Variants in ANO1 observed in about 807,000 individuals in gnomAD.
The protein encoded by ANO1 is anoctamin-1.
Under a neutral mutation model 124.0 loss-of-function variants are expected in ANO1, and 59 were observed. The observed-to-expected ratio is 0.48, with a 90% CI of 0.39 to 0.59. The LOEUF is 0.59. ANO1 is among the 20% of genes least tolerant of loss of function. The pLI is 0.00. For missense variants in ANO1, 1,059 were observed against 1,328.0 expected (o/e 0.80, Z 3.15); for synonymous variants, 529 against 532.0 (o/e 0.99, Z 0.08).
intron 11 of ANO1, among the ~76,000 whole-genome samples, chr11:70,140,636 C>G (rs1008886120): frequency 6.6e-6 from 1 of 152,092 alleles, no homozygotes; most frequent in African/African-American, 2.4e-5. Context: ...CGTGCCTACC[C>G]TAGGTACAGT....
intron 7 of ANO1, among the ~76,000 whole-genome samples, chr11:70,112,706 C>T (rs959598645): frequency 4.6e-5 from 7 of 151,984 alleles, no homozygotes; most frequent in Admixed American, 4.6e-4. Context: ...TTCAGGCGTG[C>T]ACCGCTACAC....
chr11:70,107,490 C>CGGGGGGGGGGGGGGGGGGGG (rs1432604573), intron 5 of ANO1, among the ~76,000 whole-genome samples: 6 of 64,528 alleles, frequency 9.3e-5, no homozygotes, highest in African/African-American at 3.1e-4. Context: ...CCAGTGGAGG[C>CGGGGGGGGGGGGGGGGGGGG]GGCGGGGCGG....
chr11:70,124,699 T>G (rs1212745610), intron 9 of ANO1, among the ~76,000 whole-genome samples: 1 of 151,896 alleles, frequency 6.6e-6, no homozygotes. Flanking sequence ...GCGGGAGGGT[T>G]TTCCGGATTT....
At chr11:70,025,498 T>C (rs74956227) in intron 1 of ANO1, among the ~76,000 whole-genome samples, 7,726 of 151,952 alleles carry the variant, frequency 0.051, 317 homozygotes, top group Admixed American at 0.12. Flanking sequence ...ATGACAATGA[T>C]GGCGATGATG....
intron 1 of ANO1, among the ~76,000 whole-genome samples, chr11:70,083,599 T>C (rs974904541): frequency 6.6e-6 from 1 of 152,124 alleles, no homozygotes; most frequent in African/African-American, 2.4e-5. Flanking sequence ...TGATAGAGGA[T>C]TTTTGGCCAC....
intron 16 of ANO1, among the ~76,000 whole-genome samples, chr11:70,160,895 G>A (rs544260452): frequency 2.0e-5 from 3 of 152,338 alleles, no homozygotes; most frequent in African/African-American, 4.8e-5. Context: ...CTCCTGAGCT[G>A]GGTGACCTGG....
chr11:70,177,503 C>G (rs1419260388), intron 22 of ANO1, among the ~76,000 whole-genome samples: 2 of 152,284 alleles, frequency 1.3e-5, no homozygotes, highest in East Asian at 3.9e-4. Context: ...GGGGGCGCCC[C>G]CGGGCACCAC....
rs1222664559 is a variant in ANO1, at chr11:70,037,185, C to T, written c.59-41357C>T. On this transcript the variant is annotated intron_variant, in intron 1 of 27. Coordinates refer to the ANO1 transcript ENST00000531349. ...TCCACCCTGAGAAATCCAGCTTAGG[C>T]GGCCCAGCCTGTTTTGCTCCTCCTG... Among the ~76,000 whole-genome samples the T allele has an allele frequency of 7.9e-5, 12 of 152,176 alleles. No individual in the cohort carries two copies. In the East Asian group the frequency reaches 9.7e-4, roughly 12 times the overall value.
At chr11:70,109,035 C>T (rs2045668288) in intron 6 of ANO1, among the ~76,000 whole-genome samples, 2 of 152,220 alleles carry the variant, frequency 1.3e-5, no homozygotes, top group African/African-American at 4.8e-5. Flanking sequence ...TTGTGAAAGC[C>T]AGAACATTGC....
chr11:70,149,671 T>A (rs1590861818), intron 11 of ANO1, 39 bp from the exon 12 acceptor site: 1 of 1,586,762 alleles, frequency 6.3e-7, no homozygotes, highest in African/African-American at 1.4e-5. Context: ...AAAAATGCCT[T>A]TATGTCATCA....
chr11:69,970,814 G>A, the ANO1 span, among the ~76,000 whole-genome samples: 1 of 152,220 alleles, frequency 6.6e-6, no homozygotes, highest in African/African-American at 2.4e-5. Flanking sequence ...CGGACACCCT[G>A]TGTTCTCTCA....
intron 1 of ANO1, chr11:70,085,465 G>A: frequency 1.3e-6 from 2 of 1,535,930 alleles, no homozygotes; most frequent in Non-Finnish European, 1.7e-6. Flanking sequence ...GCGGGGCCCT[G>A]TGTTACTGTA....
At chr11:70,105,387 T>C (rs2045478684) in intron 4 of ANO1, among the ~76,000 whole-genome samples, 1 of 152,102 alleles carries the variant, frequency 6.6e-6, no homozygotes, top group African/African-American at 2.4e-5. Flanking sequence ...CCCCGCCTTG[T>C]TGAAACAGAG....
At chr11:70,065,452 C>G (rs1857693307) in intron 1 of ANO1, 1 of 152,626 alleles carries the variant, frequency 6.6e-6, no homozygotes, top group Admixed American at 6.5e-5. Flanking sequence ...ACAGTTCAGA[C>G]AGCATCGGTC....
chr11:70,085,794 T>G (rs1021178309), intron 1 of ANO1: 24 of 1,221,248 alleles, frequency 2.0e-5, no homozygotes, highest in Admixed American at 9.2e-5. Context: ...TGCTGACTGT[T>G]TGGGGAGGGG....
At chr11:70,160,953 A>G (rs1170334465) in intron 16 of ANO1, among the ~76,000 whole-genome samples, 1 of 152,242 alleles carries the variant, frequency 6.6e-6, no homozygotes, top group African/African-American at 2.4e-5. Context: ...TCCATGGAAC[A>G]GAAACTAGCC....
rs1161320377 is a variant in ANO1 at position 70,180,115 on chromosome 11, G to A, written c.2403+59G>A. 1.9e-5 allele frequency: 29 copies of A among 1,498,918 alleles called. No homozygotes were observed. The East Asian group carries it at 3.2e-4, about 16-fold the overall frequency. The allele number at this position is 1,498,918 out of a possible 1,614,324, so 92.9% of individuals were successfully genotyped here. A position where few individuals can be genotyped will look rare whatever the true frequency, so the allele number is the denominator to read the frequency against. ...GTCCCGGCTGAACTGCCAGGTGGCC[G>A]GGGCCCTGTGGAGAAGGAGCTGGGC... On this transcript the variant is annotated intron_variant, in intron 23 of 25. Coordinates refer to ENST00000355303, the MANE Select transcript of ANO1 (RefSeq NM_018043.7).
chr11:70,151,831 A>T (rs2047613523), intron 12 of ANO1, among the ~76,000 whole-genome samples: 1 of 152,044 alleles, frequency 6.6e-6, no homozygotes, highest in Non-Finnish European at 1.5e-5. Context: ...CTATCATGTG[A>T]CCCATGTGTG....
chr11:70,111,741 G>A lies in ANO1; in HGVS notation c.834G>A (p.Ala278=), dbSNP rs537050090. Residue 278 remains alanine, a synonymous_variant, in exon 7 of 26, where the codon GCG becomes GCA. Coordinates refer to ENST00000355303, the MANE Select transcript of ANO1 (RefSeq NM_018043.7). The part of the protein sequence containing the change: ...ITSLLANGVY[A]AAYPLHDGDY... The stretch of plus-strand genomic sequence containing the variant: ...GCCTGCTGGCCAATGGTGTGTACGC[G>A]GCTGCATACCCACTGCACGATGTAA... 1.3e-5 allele frequency: 21 copies of A among 1,613,998 alleles called. No individual in the cohort carries two copies. The highest frequency in any genetic ancestry group is 4.5e-5 in the East Asian group (2 of 44,888).
Sources: gnomAD v4.1 joint callset for allele counts (sites outside exome capture counted in the v4.1 genomes callset) on GRCh38, gnomAD v4.1.1 for gene constraint, MANE v1.5 for transcripts, NCBI Gene and HGNC (gene_info 2026-07-23, HGNC 2026-07-21) for gene names.